The following MEST variants were observed in gnomAD, a reference collection of about 807,000 sequenced individuals.
MEST encodes the protein mesoderm-specific transcript homolog protein.
Under a neutral mutation model 50.9 loss-of-function variants are expected in MEST, and 18 were observed. The observed-to-expected ratio is 0.35, with a 90% CI of 0.24 to 0.52. The LOEUF is 0.52. Ranked by LOEUF, MEST falls within the 20% of genes least tolerant of loss-of-function variation. The pLI, the probability that MEST is intolerant of heterozygous loss-of-function variation, is 0.94. For missense variants in MEST, 282 were observed against 425.3 expected, an observed-to-expected ratio of 0.66 and a Z score of 2.96; for synonymous variants, 130 against 154.1, an observed-to-expected ratio of 0.84 and a Z score of 1.16.
At chr7:130,491,069 G>GC (rs1232812731), upstream of MEST, 1 of 152,278 alleles carries the variant, frequency 6.6e-6, no homozygotes, top group Non-Finnish European at 1.5e-5. This position sits in a 1 kb window ranked among gnomAD's most constrained non-coding sequence, Gnocchi z 6.8. Flanking sequence ...TCACCCGCTC[G>GC]CACCCCACGT....
intron 9 of MEST, chr7:130,501,164 TA>T: frequency 3.5e-6 from 1 of 286,650 alleles, no homozygotes; most frequent in Non-Finnish European, 6.5e-6. Context: ...TCCTTTTGCC[TA>T]TCTTTCTGCA....
intron 6 of MEST, among the ~76,000 whole-genome samples, chr7:130,499,250 G>T (rs901956224): frequency 1.3e-5 from 2 of 152,116 alleles, no homozygotes; most frequent in Non-Finnish European, 2.9e-5. Context: ...TCTCCTGAAC[G>T]CCTTAAGAGC....
intron 2 of MEST, chr7:130,496,117 G>A (rs781823779): frequency 1.3e-5 from 6 of 470,960 alleles, no homozygotes; most frequent in South Asian, 7.8e-5. Context: ...GATTTGTTTT[G>A]AGCGGGGGTC....
chr7:130,500,773 T>C lies in MEST; in HGVS notation c.648-16T>C. 1 of 1,596,802 alleles carries C rather than the reference T, an allele frequency of 6.3e-7. No homozygotes were observed. The highest frequency in any genetic ancestry group is 1.3e-5 in the African/African-American group (1 of 74,262). The stretch of plus-strand genomic sequence containing the variant: ...TTCTCCTCACACTTATCTTCCTGCG[T>C]TTTGGACTCTTTCAGTCTCACCCCA... On this transcript the variant is annotated splice_polypyrimidine_tract_variant and intron_variant, in intron 8 of 11. Transcript: ENST00000223215. The surrounding 1 kb of genome is among the most constrained non-coding windows in gnomAD (Gnocchi z 5.0).
At chr7:130,486,568 G>A (rs1270246918) in intron 1 of MEST, 2 of 152,662 alleles carry the variant, frequency 1.3e-5, no homozygotes, top group Admixed American at 6.5e-5. Flanking sequence ...GCGAGGGGAG[G>A]GCTCCCGGGG....
upstream of MEST, chr7:130,491,366 C>T (rs1303374777): frequency 6.6e-6 from 1 of 152,384 alleles, no homozygotes; most frequent in Admixed American, 6.5e-5. This position sits in a 1 kb window ranked among gnomAD's most constrained non-coding sequence, Gnocchi z 6.8. Context: ...ATGCTGACCA[C>T]GTCGCGCTGC....
In MEST at chr7:130,500,717, C is replaced by G; in HGVS notation, c.648-72C>G. ...CTGCATGGCCCAGACTGCATGGCCTCTGAGGTTCCAGCCATATTGAACATT... is the reference window on the plus strand; with the variant it reads ...CTGCATGGCCCAGACTGCATGGCCTGTGAGGTTCCAGCCATATTGAACATT... On this transcript the variant is annotated intron_variant, in intron 8 of 11. Coordinates refer to ENST00000223215, the MANE Select transcript of MEST (RefSeq NM_002402.4). The surrounding 1 kb of genome is among the most constrained non-coding windows in gnomAD (Gnocchi z 5.0). The G allele has an allele frequency of 2.2e-6, 3 of 1,364,600 alleles. No individual in the cohort carries two copies. In the South Asian group the frequency reaches 4.0e-5, roughly 18 times the overall value. 84.5% of individuals were successfully genotyped at this position (1,364,600 alleles called of 1,614,324 possible).
chr7:130,487,492 G>A (rs1300027139), upstream of MEST: 2 of 152,124 alleles, frequency 1.3e-5, no homozygotes, highest in Non-Finnish European at 2.9e-5. Context: ...CTGTCATTTA[G>A]GTTCATCTTA....
rs1554437777 is a variant in MEST, at chr7:130,498,495, A to G, written c.535+18A>G. ...AAATGGAGGTAATTGCCTTGGCGGT[A>G]GGTAGAAAGTGGGTGTAATCTAGAA... On this transcript the variant is annotated intron_variant, in intron 6 of 11. Coordinates refer to ENST00000223215, the MANE Select transcript of MEST (RefSeq NM_002402.4). 1.2e-6 allele frequency: 2 copies of G among 1,612,984 alleles called. No homozygotes were observed.
chr7:130,499,118 C>G (rs1799181266), intron 6 of MEST, among the ~76,000 whole-genome samples: 1 of 152,160 alleles, frequency 6.6e-6, no homozygotes, highest in Admixed American at 6.5e-5. Context: ...TAAGTGAGGA[C>G]TTAACTGTAT....
rs2116295870 is a variant in MEST at position 130,502,630 on chromosome 7, T to A, written c.750-14T>A. ...GTTTCTTGTTCTGCACATGCTGACT[T>A]ACCTGTCCTACAGTCTCTTACAGTA... is the stretch of plus-strand genomic sequence containing the variant. On this transcript the variant is annotated splice_polypyrimidine_tract_variant and intron_variant, in intron 9 of 11. Transcript: ENST00000223215. 2.5e-6 allele frequency: 4 copies of A among 1,610,288 alleles called. No homozygotes were observed. The highest frequency in any genetic ancestry group is 3.4e-6 in the Non-Finnish European group (4 of 1,176,754).
rs1554439745 is a variant in MEST, at chr7:130,505,716, A to C, written c.*660A>C. On this transcript the variant is annotated 3_prime_UTR_variant, in exon 12 of 12. Coordinates refer to ENST00000223215, the MANE Select transcript of MEST (RefSeq NM_002402.4). ...AAAGATACTAAACCAGCATACCCTT[A>C]CTCTGCCAGAGTAGTGAAGCTAATT... The C allele has an allele frequency of 6.6e-6, 1 of 152,176 alleles. No homozygotes were observed. The highest frequency in any genetic ancestry group is 2.4e-5 in the African/African-American group (1 of 41,418). 9.4% of individuals were successfully genotyped at this position (152,176 alleles called of 1,614,324 possible).
At chr7:130,502,859 C>A in intron 10 of MEST, 139 bp downstream of exon 10, 1 of 633,338 alleles carries the variant, frequency 1.6e-6, no homozygotes, top group Non-Finnish European at 2.7e-6. Context: ...TTTAGATAAA[C>A]AACAAATGCT....
rs1475878876 is a variant in MEST at position 130,506,437 on chromosome 7, C to T, written c.*1381C>T. 5 of 228,418 alleles carry T rather than the reference C, an allele frequency of 2.2e-5. No individual in the cohort carries two copies. Among genetic ancestry groups the T allele is most frequent in the Non-Finnish European group, 4.2e-5 (5 of 119,044 alleles). The allele number at this position is 228,418 out of a possible 1,614,324, so 14.1% of individuals were successfully genotyped here. ...TAGGATAGTATTTGATTTTCAAGATCACCCAAAGCTGCACTATCGTCCCAA... is the reference window on the plus strand; with the variant it reads ...TAGGATAGTATTTGATTTTCAAGATTACCCAAAGCTGCACTATCGTCCCAA... On this transcript the variant is annotated 3_prime_UTR_variant, in exon 12 of 12. Transcript: ENST00000223215.
rs1799115361 is a variant in MEST, at chr7:130,497,653, A to G, written c.262-283A>G. ...GCACATTTGAATTGCTTTTAAAAAA[A>G]CATTAAATGTTGAACTGTTCCTTAT... On this transcript the variant is annotated intron_variant, in intron 3 of 11. Coordinates refer to ENST00000223215, the MANE Select transcript of MEST (RefSeq NM_002402.4). This position sits in a 1 kb window ranked among gnomAD's most constrained non-coding sequence, Gnocchi z 4.0. 2.5e-6 allele frequency: 1 copy of G among 392,934 alleles called. No homozygotes were observed. Among genetic ancestry groups the G allele is most frequent in the Non-Finnish European group, 4.6e-6 (1 of 219,194 alleles). The allele number at this position is 392,934 out of a possible 1,614,324, so 24.3% of individuals were successfully genotyped here. A position where few individuals can be genotyped will look rare whatever the true frequency, so the allele number is the denominator to read the frequency against.
chr7:130,497,323 G>GAGGTGGGA lies in MEST; in HGVS notation c.261+89_261+96dup. The GAGGTGGGA allele has an allele frequency of 9.7e-7, 1 of 1,035,868 alleles. No homozygotes were observed. Among genetic ancestry groups the GAGGTGGGA allele is most frequent in the Non-Finnish European group, 1.4e-6 (1 of 699,934 alleles). The allele number at this position is 1,035,868 out of a possible 1,614,324, so 64.2% of individuals were successfully genotyped here. A position where few individuals can be genotyped will look rare whatever the true frequency, so the allele number is the denominator to read the frequency against. On this transcript the variant is annotated intron_variant, in intron 3 of 11. Coordinates refer to ENST00000223215, the MANE Select transcript of MEST (RefSeq NM_002402.4). This position sits in a 1 kb window ranked among gnomAD's most constrained non-coding sequence, Gnocchi z 4.0. ...TCAAATCCTAGCACTTTGGGAGGCT[G>GAGGTGGGA]AGGTGGGAGGATGACCTGAGGTCAG...
At chr7:130,502,612 G>A (rs80267044) in intron 9 of MEST, 32 bp from the exon 10 acceptor site, 5 of 1,555,798 alleles carry the variant, frequency 3.2e-6, no homozygotes, top group Middle Eastern at 1.7e-4. Flanking sequence ...AAGGTTTCTT[G>A]TTCTGCACAT....
At chr7:130,494,307 T>C (rs1291582858) in intron 1 of MEST, among the ~76,000 whole-genome samples, 1 of 152,160 alleles carries the variant, frequency 6.6e-6, no homozygotes, top group Non-Finnish European at 1.5e-5. Flanking sequence ...CAACTCTAAT[T>C]TTAGTTTTGG....
intron 11 of MEST, among the ~76,000 whole-genome samples, chr7:130,504,382 G>A (rs1458024766): frequency 6.6e-6 from 1 of 152,202 alleles, no homozygotes. Flanking sequence ...ATTGAGAAGA[G>A]CTCATTGTGG....
Sources: allele counts gnomAD v4.1 joint callset (sites outside exome capture counted in the v4.1 genomes callset), GRCh38; gene constraint gnomAD v4.1.1; non-coding constraint Gnocchi (gnomAD v3.1); transcripts MANE v1.5; gene names NCBI Gene and HGNC (gene_info 2026-07-23, HGNC 2026-07-21).